The following PKHD1L1 variants were observed in gnomAD, a reference collection of about 807,000 sequenced individuals.
PKHD1L1 encodes the protein PKHD1 like 1.
In PKHD1L1, 434 loss-of-function variants were observed where a neutral mutation model predicts 462.9. The ratio of observed to expected loss-of-function variants is 0.94; its 90% CI spans 0.87 to 1.02. The LOEUF (loss-of-function observed/expected upper bound fraction) is 1.02, where lower values mean the gene tolerates loss of function less well. Ranked by LOEUF, PKHD1L1 falls within the 50% of genes least tolerant of loss-of-function variation. The pLI, the probability that PKHD1L1 is intolerant of heterozygous loss-of-function variation, is 0.00. For synonymous variants in PKHD1L1, 1,781 were observed against 1,750.0 expected (o/e 1.02, Z -0.44); for missense variants, 5,202 against 5,096.1 (o/e 1.02, Z -0.63).
chr8:109,388,479 A>C lies in PKHD1L1; in HGVS notation c.570-18A>C. 1 of 1,479,842 alleles carries C rather than the reference A, an allele frequency of 6.8e-7. No individual in the cohort carries two copies. Among genetic ancestry groups the C allele is most frequent in the Non-Finnish European group, 9.2e-7 (1 of 1,085,154 alleles). The allele number at this position is 1,479,842 out of a possible 1,614,324, so 91.7% of individuals were successfully genotyped here. A position where few individuals can be genotyped will look rare whatever the true frequency, so the allele number is the denominator to read the frequency against. On this transcript the variant is annotated intron_variant, in intron 6 of 77. Coordinates refer to ENST00000378402, the MANE Select transcript of PKHD1L1 (RefSeq NM_177531.6). ...GTTAAACATAACTTGATTTTTTCTA[A>C]TAAAAATATTTGTACAGAGTTTACA...
In PKHD1L1 at chr8:109,466,700, C is replaced by A. The variant is rs371141801; in HGVS notation, c.8536C>A (p.Arg2846Ser). 6.2e-7 allele frequency: 1 copy of A among 1,612,784 alleles called. No homozygotes were observed. The highest frequency in any genetic ancestry group is 1.3e-5 in the African/African-American group (1 of 74,936). ...CTGTGATGCTTCAGTCAGCTTTCACCGTTTAGCGTTCAACCAGCCTTCTCC... is the reference window on the plus strand; with the variant it reads ...CTGTGATGCTTCAGTCAGCTTTCACAGTTTAGCGTTCAACCAGCCTTCTCC... ...SVCDASVSFH[R>S]LAFNQPSPVS... is the part of the protein sequence containing the mutation. The change falls in exon 50 of 78, where the codon CGT becomes AGT. Residue 2846 changes from arginine (R) to serine (S), a missense_variant. By Grantham distance (110) the Arg-to-Ser change is moderately radical (BLOSUM62 -1). Transcript: ENST00000378402.
chr8:109,407,157 T>C (rs1813601189), intron 17 of PKHD1L1, among the ~76,000 whole-genome samples: 1 of 152,198 alleles, frequency 6.6e-6, no homozygotes, highest in Admixed American at 6.6e-5. Flanking sequence ...TGTGTGTGTT[T>C]ACTTTTCTTT....
chr8:109,510,786 A>G lies in PKHD1L1; in HGVS notation c.11405A>G (p.Asp3802Gly), dbSNP rs1359564780. 4.3e-6 allele frequency: 7 copies of G among 1,612,860 alleles called. No individual in the cohort carries two copies. The highest frequency in any genetic ancestry group is 5.9e-6 in the Non-Finnish European group (7 of 1,179,242). Residue 3802 changes from aspartate to glycine, a missense_variant, in exon 71 of 78, where the codon GAT (aspartate) becomes GGT (glycine). Coordinates refer to ENST00000378402, the MANE Select transcript of PKHD1L1 (RefSeq NM_177531.6). ...TTTTGCATGGATTTAGGCCCACAGG[A>G]TCATGGCTGGTGTGCTGGATATACA... is the stretch of plus-strand genomic sequence containing the variant. ...GYVDLINGPQ[D>G]HGWCAGYTCQ... is the part of the protein sequence containing the mutation.
At chr8:109,462,591 G>A (rs1024426020) in intron 48 of PKHD1L1, among the ~76,000 whole-genome samples, 7 of 151,968 alleles carry the variant, frequency 4.6e-5, no homozygotes, top group Non-Finnish European at 8.8e-5. Context: ...TGCCAGGCTG[G>A]AGTGTAGTGG....
intron 71 of PKHD1L1, 81 bp downstream of exon 71, chr8:109,511,015 C>G: frequency 6.9e-7 from 1 of 1,450,980 alleles, no homozygotes; most frequent in Non-Finnish European, 9.4e-7. Context: ...ACCTCCTCCC[C>G]TGTTCTAACA....
intron 32 of PKHD1L1, 136 bp downstream of exon 32, chr8:109,439,228 A>G (rs1365055547): frequency 1.1e-5 from 8 of 756,800 alleles, no homozygotes; most frequent in Non-Finnish European, 1.7e-5. Flanking sequence ...TTGGCAAAAG[A>G]TGCCGAGAAT....
At position 109,526,777 on chromosome 8, in the gene PKHD1L1, T is replaced by A; in HGVS notation, c.12485-7T>A. 1 of 1,544,778 alleles carries A rather than the reference T, an allele frequency of 6.5e-7. No homozygotes were observed. Among genetic ancestry groups the A allele is most frequent in the Non-Finnish European group, 8.8e-7 (1 of 1,142,496 alleles). ...AAATCAAACACTATGATGCTTTTTT[T>A]TTCCAGGAAAAAATTATAAGATTGA... On this transcript the variant is annotated splice_region_variant and splice_polypyrimidine_tract_variant and intron_variant, in intron 76 of 77. Transcript: ENST00000378402.
intron 33 of PKHD1L1, 93 bp downstream of exon 33, chr8:109,440,945 C>T (rs1308638759): frequency 7.1e-7 from 1 of 1,404,432 alleles, no homozygotes; most frequent in Non-Finnish European, 9.6e-7. Flanking sequence ...TATTCTAAAT[C>T]ACAGCTTTAT....
At chr8:109,474,207 CA>C in intron 50 of PKHD1L1, among the ~76,000 whole-genome samples, 1 of 152,228 alleles carries the variant, frequency 6.6e-6, no homozygotes, top group East Asian at 1.9e-4. Context: ...TTATTTCAGA[CA>C]GATTATTTTA....
rs753228778 is a variant in PKHD1L1, at chr8:109,464,995, A to G, written c.8163A>G (p.Ala2721=). 12 of 1,613,660 alleles carry G rather than the reference A, an allele frequency of 7.4e-6. No individual in the cohort carries two copies. The highest frequency in any genetic ancestry group is 9.3e-6 in the Non-Finnish European group (11 of 1,179,764). Reference sequence around the variant, plus strand: ...TTGATGAACTGGGAATGGGGTCTGCATTTTGCACAGCAAAAGGCCTGGTTC... The same window carrying G: ...TTGATGAACTGGGAATGGGGTCTGCGTTTTGCACAGCAAAAGGCCTGGTTC... The part of the protein sequence containing the change: ...GHLDELGMGS[A]FCTAKGLVLP... The change falls in exon 49 of 78, where the codon GCA becomes GCG. Residue 2721 remains alanine (A), a synonymous_variant. Coordinates refer to ENST00000378402, the MANE Select transcript of PKHD1L1 (RefSeq NM_177531.6).
chr8:109,384,849 T>C (rs1343306386), intron 5 of PKHD1L1, among the ~76,000 whole-genome samples: 3 of 152,124 alleles, frequency 2.0e-5, no homozygotes, highest in Non-Finnish European at 2.9e-5. Flanking sequence ...CCTTCTTTTA[T>C]ACATTACCTG....
At position 109,536,640 on chromosome 8, in the gene PKHD1L1, G is replaced by C. The variant is rs191734612; in HGVS notation, c.*6550G>C. Among the ~76,000 whole-genome samples, 1 of 152,182 alleles carries C rather than the reference G, an allele frequency of 6.6e-6. No homozygotes were observed. Among genetic ancestry groups the C allele is most frequent in the East Asian group, 1.9e-4 (1 of 5,188 alleles). On this transcript the variant is annotated 3_prime_UTR_variant, in exon 78 of 78. Coordinates refer to ENST00000378402, the MANE Select transcript of PKHD1L1 (RefSeq NM_177531.6). ...AACCTCACCACTGAACACAAAATGA[G>C]AATTCACCTCATCTTTTCATTTGAA...
rs774234169 is a variant in PKHD1L1 at position 109,480,012 on chromosome 8, T to C, written c.9200T>C (p.Ile3067Thr). ...ATAGGAACATGGATTGTAGCTGACATAGATATGCCATCAATGGAAAGACTC... is the reference window on the plus strand; with the variant it reads ...ATAGGAACATGGATTGTAGCTGACACAGATATGCCATCAATGGAAAGACTC... ...IPEGTWIVAD[I>T]DMPSMERLII... is the part of the protein sequence containing the mutation. The change falls in exon 55 of 78, where the codon ATA becomes ACA. Residue 3067 changes from isoleucine to threonine, a missense_variant. By Grantham distance (89) the Ile-to-Thr change is moderately conservative. Transcript: ENST00000378402. The C allele has an allele frequency of 3.8e-6, 6 of 1,587,836 alleles. No individual in the cohort carries two copies. The highest frequency in any genetic ancestry group is 2.3e-5 in the East Asian group (1 of 44,428).
At chr8:109,447,801 C>T (rs1002735965) in intron 38 of PKHD1L1, among the ~76,000 whole-genome samples, 1 of 152,124 alleles carries the variant, frequency 6.6e-6, no homozygotes, top group African/African-American at 2.4e-5. Flanking sequence ...ATGCTCTAAC[C>T]CATGCTGCTC....
chr8:109,389,227 C>A, intron 8 of PKHD1L1, 75 bp downstream of exon 8: 3 of 1,135,142 alleles, frequency 2.6e-6, no homozygotes, highest in Non-Finnish European at 3.9e-6. Flanking sequence ...TTCTCCTAGA[C>A]CTCCCTCCTC....
Position 109,362,533 on chromosome 8 carries a change from G to C in PKHD1L1, c.-48G>C. ...TCCCAGGAGCCGAGCTCCAGCACTA[G>C]AGCCAGCTGCGAGCGGAGGGCACCA... On this transcript the variant is annotated 5_prime_UTR_variant, in exon 1 of 78. Transcript: ENST00000378402. The C allele has an allele frequency of 1.3e-6, 2 of 1,526,910 alleles. No individual in the cohort carries two copies. The highest frequency in any genetic ancestry group is 1.2e-5 in the South Asian group (1 of 83,916). 94.6% of individuals were successfully genotyped at this position (1,526,910 alleles called of 1,614,324 possible). A position where few individuals can be genotyped will look rare whatever the true frequency, so the allele number is the denominator to read the frequency against.
At chr8:109,415,464 G>A (rs1249430658) in intron 21 of PKHD1L1, among the ~76,000 whole-genome samples, 3 of 152,152 alleles carry the variant, frequency 2.0e-5, no homozygotes, top group Admixed American at 6.5e-5. Flanking sequence ...TATGAAGTGG[G>A]AAACAGCCAG....
At chr8:109,452,977 C>A in intron 43 of PKHD1L1, 103 bp downstream of exon 43, 1 of 997,858 alleles carries the variant, frequency 1.0e-6, no homozygotes, top group Non-Finnish European at 1.3e-6. Context: ...GTTGCACTAT[C>A]TTTTTAATAT....
At chr8:109,465,301 C>T (rs190909848) in intron 49 of PKHD1L1, 56 bp downstream of exon 49, 82 of 1,536,812 alleles carry the variant, frequency 5.3e-5, no homozygotes, top group Non-Finnish European at 3.5e-5. Context: ...TTTGTGTTAG[C>T]ACAGAATTGA....
Sources: allele counts gnomAD v4.1 joint callset (sites outside exome capture counted in the v4.1 genomes callset), GRCh38; gene constraint gnomAD v4.1.1; transcripts MANE v1.5; gene names NCBI Gene and HGNC (gene_info 2026-07-23, HGNC 2026-07-21).